Variants in ABLIM1 observed in about 807,000 individuals in gnomAD.
The protein encoded by ABLIM1 is actin binding LIM protein 1, also known as actin-binding LIM protein 1.
Under a neutral mutation model 107.0 loss-of-function variants are expected in ABLIM1, and 40 were observed. The ratio of observed to expected loss-of-function variants is 0.37; its 90% confidence interval spans 0.29 to 0.49. The LOEUF (loss-of-function observed/expected upper bound fraction) is 0.49. ABLIM1 is among the 20% of genes least tolerant of loss of function. ABLIM1 has a pLI of 0.97. For synonymous variants in ABLIM1, 357 were observed against 357.3 expected, an observed-to-expected ratio of 1.00 and a Z score of 0.01; for missense variants, 857 against 1,008.5, an observed-to-expected ratio of 0.85 and a Z score of 2.04.
chr10:114,490,691 C>G (rs1266025622), intron 7 of ABLIM1, among the ~76,000 whole-genome samples: 3 of 151,910 alleles, frequency 2.0e-5, no homozygotes, highest in Non-Finnish European at 4.4e-5. Context: ...CTCTCAAAGC[C>G]TCTCTGAGAA....
intron 6 of ABLIM1, among the ~76,000 whole-genome samples, chr10:114,496,085 C>T (rs1329495098): frequency 6.6e-6 from 1 of 152,208 alleles, no homozygotes; most frequent in Non-Finnish European, 1.5e-5. Context: ...AAAGAAGGCA[C>T]ATTAGTGTGG....
intron 6 of ABLIM1, among the ~76,000 whole-genome samples, chr10:114,518,028 T>G (rs893460472): frequency 6.6e-6 from 1 of 152,146 alleles, no homozygotes; most frequent in Admixed American, 6.5e-5. Context: ...TTTACCACTA[T>G]GTGGTCATTA....
chr10:114,557,278 C>A (rs17092054), intron 4 of ABLIM1, among the ~76,000 whole-genome samples: 3,925 of 152,282 alleles, frequency 0.026, 179 homozygotes, highest in African/African-American at 0.09. Flanking sequence ...GCTGGACACA[C>A]TGAAAGCCAG....
At chr10:114,661,984 T>C (rs779191489), upstream of ABLIM1, among the ~76,000 whole-genome samples, 14 of 152,170 alleles carry the variant, frequency 9.2e-5, no homozygotes, top group Non-Finnish European at 1.9e-4. Flanking sequence ...TCTTCATCAG[T>C]CACAGTGATT....
At chr10:114,465,626 T>G in intron 12 of ABLIM1, 72 bp downstream of exon 12, 1 of 1,562,362 alleles carries the variant, frequency 6.4e-7, no homozygotes, top group Non-Finnish European at 8.7e-7. Flanking sequence ...CAATGTGCTA[T>G]CAATAGTAGG....
the ABLIM1 span, among the ~76,000 whole-genome samples, chr10:114,792,795 A>C: frequency 6.6e-6 from 1 of 152,174 alleles, no homozygotes; most frequent in East Asian, 1.9e-4. Flanking sequence ...CTGCTTTATC[A>C]ATGTCTCTAT....
At position 114,448,604 on chromosome 10, in the gene ABLIM1, T is replaced by TTTATTATTATTATTATTA. The variant is rs60805531; in HGVS notation, c.1595-602_1595-585dup. On this transcript the variant is annotated intron_variant, in intron 14 of 22. Coordinates refer to ENST00000533213, the MANE Select transcript of ABLIM1 (RefSeq NM_002313.7). ...CAAATATGTTGGTCCAGATCATTCT[T>TTTATTATTATTATTATTA]TTATTATTATTATTATTATTATTAT... 5.7e-3 allele frequency among the ~76,000 whole-genome samples: 852 copies of TTTATTATTATTATTATTA among 149,816 alleles called. 17 individuals carry two copies. The highest frequency in any genetic ancestry group is 0.02 in the African/African-American group (819 of 40,324).
At chr10:114,630,377 G>A (rs1278026221) in intron 1 of ABLIM1, among the ~76,000 whole-genome samples, 4 of 152,160 alleles carry the variant, frequency 2.6e-5, no homozygotes, top group African/African-American at 9.7e-5. Context: ...GGTACTGAGG[G>A]TTCCTGGAAG....
intron 1 of ABLIM1, among the ~76,000 whole-genome samples, chr10:114,734,413 T>C (rs1041576332): frequency 2.0e-5 from 3 of 152,192 alleles, no homozygotes; most frequent in African/African-American, 7.2e-5. Flanking sequence ...GTTTCCAACC[T>C]TACTCCAATG....
At position 114,547,648 on chromosome 10, in the gene ABLIM1, A is replaced by T; in HGVS notation, c.800+2T>A. 1 of 1,613,682 alleles carries T rather than the reference A, an allele frequency of 6.2e-7. No individual in the cohort carries two copies. Among genetic ancestry groups the T allele is most frequent in the Non-Finnish European group, 8.5e-7 (1 of 1,179,976 alleles). On this transcript the variant is annotated splice_donor_variant, in intron 5 of 22. Coordinates refer to ENST00000533213, the MANE Select transcript of ABLIM1 (RefSeq NM_002313.7). LOFTEE classifies it high-confidence loss of function. The stretch of plus-strand genomic sequence containing the variant: ...GGAACGCGTGCCCGCGCCCAGCCTT[A>T]CTTGCTGATGTACTCCCCGGTGAGG...
intron 1 of ABLIM1, among the ~76,000 whole-genome samples, chr10:114,680,317 G>A (rs868697502): frequency 6.6e-6 from 1 of 152,130 alleles, no homozygotes; most frequent in Non-Finnish European, 1.5e-5. Flanking sequence ...TGAGAAATTT[G>A]GCCAAGATTA....
intron 1 of ABLIM1, among the ~76,000 whole-genome samples, chr10:114,753,254 C>T (rs746937053): frequency 6.6e-5 from 10 of 152,140 alleles, no homozygotes; most frequent in African/African-American, 1.9e-4. Context: ...AGATGGTACA[C>T]GAAGAGAGCA....
chr10:114,620,845 G>A (rs1342618989), intron 1 of ABLIM1, among the ~76,000 whole-genome samples: 5 of 152,088 alleles, frequency 3.3e-5, no homozygotes, highest in Admixed American at 1.3e-4. Context: ...GCATCCCTCC[G>A]TGGAACCTAG....
intron 1 of ABLIM1, among the ~76,000 whole-genome samples, chr10:114,755,053 C>CA (rs1454653795): frequency 1.3e-5 from 2 of 152,116 alleles, no homozygotes; most frequent in East Asian, 3.9e-4. Context: ...CAGGGGTCCC[C>CA]AGCCTCTGGG....
chr10:114,732,120 C>T (rs1453741520), intron 1 of ABLIM1, among the ~76,000 whole-genome samples: 2 of 150,866 alleles, frequency 1.3e-5, no homozygotes, highest in African/African-American at 2.4e-5. Flanking sequence ...TACAACCATC[C>T]TATTGAGTGT....
chr10:114,451,751 T>C (rs2061948279), intron 13 of ABLIM1, 80 bp from the exon 14 acceptor site: 1 of 1,220,788 alleles, frequency 8.2e-7, no homozygotes, highest in African/African-American at 1.5e-5. Context: ...AAGGGGCAAA[T>C]CAAACTGAAG....
intron 1 of ABLIM1, among the ~76,000 whole-genome samples, chr10:114,704,300 CTCTATATATATATA>C (rs1346021349): frequency 1.8e-3 from 51 of 28,896 alleles, no homozygotes; most frequent in African/African-American, 4.1e-3. Flanking sequence ...CTCTCTCTCT[CTCTATATATATATA>C]TATATATATA....
chr10:114,606,557 G>A (rs141833479), intron 1 of ABLIM1, among the ~76,000 whole-genome samples: 2 of 152,186 alleles, frequency 1.3e-5, no homozygotes, highest in Non-Finnish European at 2.9e-5. Context: ...GTTACAGCTT[G>A]CTCTGGGTCA....
At chr10:114,639,603 G>A (rs969379814) in intron 1 of ABLIM1, among the ~76,000 whole-genome samples, 6 of 152,220 alleles carry the variant, frequency 3.9e-5, no homozygotes, top group African/African-American at 1.4e-4. Context: ...CCACTTGTGA[G>A]GTTGTGGTGA....
Sources: gnomAD v4.1 joint callset for allele counts (sites outside exome capture counted in the v4.1 genomes callset) on GRCh38, gnomAD v4.1.1 for gene constraint, MANE v1.5 for transcripts, NCBI Gene and HGNC (gene_info 2026-07-23, HGNC 2026-07-21) for gene names.